Variants in LGSN observed in about 807,000 individuals in gnomAD.
LGSN encodes the protein lengsin, lens protein with glutamine synthetase domain.
LGSN carries 21 observed loss-of-function variants against 19.5 expected under a neutral mutation model. The ratio of observed to expected loss-of-function variants is 1.07; its 90% confidence interval spans 0.76 to 1.55. LGSN has a LOEUF of 1.55. LGSN is among the 40% of genes most tolerant of loss of function. The pLI is 0.00. For synonymous variants in LGSN, 257 were observed against 215.6 expected (o/e 1.19, Z -1.68); for missense variants, 673 against 608.5 (o/e 1.11, Z -1.12).
intron 3 of LGSN, 49 bp from the exon 4 acceptor site, chr6:63,281,269 G>C (rs767429840): frequency 1.5e-6 from 2 of 1,346,442 alleles, no homozygotes; most frequent in African/African-American, 3.1e-5. Context: ...ACAAACAAAA[G>C]GGTCGGGGGG....
At chr6:63,513,926 A>C in the LGSN span, among the ~76,000 whole-genome samples, 1 of 149,142 alleles carries the variant, frequency 6.7e-6, no homozygotes, top group African/African-American at 2.5e-5. Context: ...AAAAAAAAAA[A>C]AAAAAAAAAA....
chr6:63,536,902 C>T, the LGSN span, among the ~76,000 whole-genome samples: 1 of 151,916 alleles, frequency 6.6e-6, no homozygotes, highest in Non-Finnish European at 1.5e-5. Context: ...TAAAATTTTC[C>T]TCAAAGCAAA....
chr6:63,423,082 C>G, the LGSN span, among the ~76,000 whole-genome samples: 1 of 152,138 alleles, frequency 6.6e-6, no homozygotes, highest in Non-Finnish European at 1.5e-5. Flanking sequence ...TACAGTGGCT[C>G]ACTTCTGTAA....
chr6:63,387,107 A>AC, the LGSN span, among the ~76,000 whole-genome samples: 1 of 152,198 alleles, frequency 6.6e-6, no homozygotes, highest in Non-Finnish European at 1.5e-5. Context: ...TCTCAAAAAA[A>AC]AATAAAAGAA....
chr6:63,543,645 C>A, the LGSN span, among the ~76,000 whole-genome samples: 2 of 152,150 alleles, frequency 1.3e-5, no homozygotes, highest in African/African-American at 4.8e-5. Flanking sequence ...ACACACTGTG[C>A]CCATTCATCC....
chr6:63,343,463 G>A, the LGSN span, among the ~76,000 whole-genome samples: 4 of 152,276 alleles, frequency 2.6e-5, no homozygotes, highest in Admixed American at 1.3e-4. Context: ...TAAATAAGCA[G>A]TCCTGCTCTA....
At chr6:63,484,271 G>C in the LGSN span, among the ~76,000 whole-genome samples, 4 of 152,214 alleles carry the variant, frequency 2.6e-5, no homozygotes, top group Admixed American at 6.5e-5. Flanking sequence ...AGGAGGCCAA[G>C]AAGGGCAGAT....
intron 1 of LGSN, among the ~76,000 whole-genome samples, chr6:63,309,361 G>T (rs1238103901): frequency 1.3e-5 from 2 of 152,230 alleles, no homozygotes; most frequent in Non-Finnish European, 2.9e-5. Context: ...GAATTTGGGA[G>T]GCAGAGGTTG....
At chr6:63,327,857 G>A in the LGSN span, among the ~76,000 whole-genome samples, 3 of 151,634 alleles carry the variant, frequency 2.0e-5, no homozygotes, top group Admixed American at 1.3e-4. Flanking sequence ...AGCCGCTTAT[G>A]CTGCTGTTCT....
chr6:63,384,536 T>TGTGTGA, the LGSN span, among the ~76,000 whole-genome samples: 1 of 147,456 alleles, frequency 6.8e-6, no homozygotes, highest in Non-Finnish European at 1.5e-5. Flanking sequence ...TGTGTGTGTG[T>TGTGTGA]GATGGAGTTT....
the LGSN span, chr6:63,571,581 G>A: frequency 6.6e-6 from 1 of 152,296 alleles, no homozygotes; most frequent in East Asian, 1.9e-4. Context: ...TTACATCAGT[G>A]CTTGACAAAA....
chr6:63,375,809 G>A, the LGSN span, among the ~76,000 whole-genome samples: 1 of 152,118 alleles, frequency 6.6e-6, no homozygotes, highest in African/African-American at 2.4e-5. Flanking sequence ...CTTCCTTTAA[G>A]TGAGATAATT....
chr6:63,437,758 T>C, the LGSN span, among the ~76,000 whole-genome samples: 90,226 of 151,494 alleles, frequency 0.6, 27,177 homozygotes, highest in African/African-American at 0.65. Flanking sequence ...AGTGAAACCC[T>C]GTCTCTACTG....
the LGSN span, among the ~76,000 whole-genome samples, chr6:63,393,130 A>G: frequency 6.7e-6 from 1 of 149,590 alleles, no homozygotes; most frequent in Admixed American, 6.7e-5. Flanking sequence ...CTCGTGATAC[A>G]CCCACCTCGG....
intron 1 of LGSN, among the ~76,000 whole-genome samples, chr6:63,301,748 A>C (rs562880601): frequency 6.6e-6 from 1 of 152,282 alleles, no homozygotes; most frequent in Non-Finnish European, 1.5e-5. Context: ...TTTTGAGTAA[A>C]ATGCAAAGAA....
At chr6:63,455,167 G>A in the LGSN span, among the ~76,000 whole-genome samples, 2 of 152,118 alleles carry the variant, frequency 1.3e-5, no homozygotes, top group African/African-American at 4.8e-5. Flanking sequence ...CAGTTACAAG[G>A]AAAAAACAAA....
intron 2 of LGSN, among the ~76,000 whole-genome samples, chr6:63,291,057 G>C (rs1354544176): frequency 6.6e-6 from 1 of 152,228 alleles, no homozygotes; most frequent in African/African-American, 2.4e-5. Flanking sequence ...GTGGTAGTGA[G>C]ATGGGAGAGT....
chr6:63,434,439 C>CAA, the LGSN span, among the ~76,000 whole-genome samples: 118 of 105,978 alleles, frequency 1.1e-3, no homozygotes, highest in East Asian at 5.6e-3. Context: ...GACTCCATCT[C>CAA]AAAAAAAAAA....
At chr6:63,482,466 C>T in the LGSN span, among the ~76,000 whole-genome samples, 1 of 152,304 alleles carries the variant, frequency 6.6e-6, no homozygotes, top group African/African-American at 2.4e-5. Context: ...CAGTAGCTCA[C>T]GCCTATAATC....
Sources: allele counts gnomAD v4.1 joint callset (sites outside exome capture counted in the v4.1 genomes callset), GRCh38; gene constraint gnomAD v4.1.1; transcripts MANE v1.5; gene names NCBI Gene and HGNC (gene_info 2026-07-23, HGNC 2026-07-21).